Variants in WWOX observed in about 807,000 individuals in gnomAD.
WWOX encodes the protein WW domain containing oxidoreductase.
WWOX carries 69 observed loss-of-function variants against 46.2 expected under a neutral mutation model. The observed-to-expected ratio is 1.49, with a 90% CI of 1.23 to 1.82. WWOX has a LOEUF of 1.82. Ranked by LOEUF, WWOX falls within the 40% of genes most tolerant of loss-of-function variation. WWOX has a pLI of 0.00. For synonymous variants in WWOX, 359 were observed against 202.6 expected, an observed-to-expected ratio of 1.77 and a Z score of -6.56; for missense variants, 919 against 542.6, an observed-to-expected ratio of 1.69 and a Z score of -6.89.
intron 8 of WWOX, among the ~76,000 whole-genome samples, chr16:79,173,357 C>T (rs2050739007): frequency 1.3e-5 from 2 of 152,126 alleles, no homozygotes; most frequent in Admixed American, 6.5e-5. Flanking sequence ...AACTCAGTAA[C>T]CCATTGGTGC....
intron 8 of WWOX, among the ~76,000 whole-genome samples, chr16:78,665,009 G>A (rs1293008086): frequency 1.3e-5 from 2 of 152,186 alleles, no homozygotes; most frequent in Non-Finnish European, 2.9e-5. Flanking sequence ...CGTTTTCTGT[G>A]CAGCGGCTGC....
At chr16:78,678,853 C>T (rs2047663745) in intron 8 of WWOX, among the ~76,000 whole-genome samples, 1 of 152,156 alleles carries the variant, frequency 6.6e-6, no homozygotes, top group Non-Finnish European at 1.5e-5. Flanking sequence ...AGTCCCTGTG[C>T]TTCCCAGTTT....
At position 78,818,562 on chromosome 16, in the gene WWOX, C is replaced by G. The variant is rs371169948; in HGVS notation, c.1056+385810C>G. ...TCTGGCCAACACAGCGAGACCCAAT[C>G]TCTCCAAAAAGTTTAAAAATCGGCT... On this transcript the variant is annotated intron_variant, in intron 8 of 8. Coordinates refer to ENST00000566780, the MANE Select transcript of WWOX (RefSeq NM_016373.4). Among the ~76,000 whole-genome samples, 269 of 152,282 alleles carry G rather than the reference C, an allele frequency of 1.8e-3. 1 individual carries two copies. Among genetic ancestry groups the G allele is most frequent in the South Asian group, 0.014 (69 of 4,820 alleles).
intron 8 of WWOX, among the ~76,000 whole-genome samples, chr16:78,532,934 C>T (rs1012356793): frequency 6.6e-6 from 1 of 152,132 alleles, no homozygotes; most frequent in Non-Finnish European, 1.5e-5. Context: ...AAGGAAACCA[C>T]CAAGGGACCA....
intron 8 of WWOX, among the ~76,000 whole-genome samples, chr16:78,860,143 T>A (rs2052682031): frequency 6.6e-6 from 1 of 152,230 alleles, no homozygotes; most frequent in South Asian, 2.1e-4. Flanking sequence ...CCATCCTTAT[T>A]CCATCGCCCA....
At chr16:78,137,746 C>T (rs1401882138) in intron 4 of WWOX, among the ~76,000 whole-genome samples, 2 of 152,036 alleles carry the variant, frequency 1.3e-5, no homozygotes, top group African/African-American at 4.8e-5. Flanking sequence ...TAAAAATTGG[C>T]CTGTTTTATT....
At chr16:78,252,195 G>T (rs1039592081) in intron 5 of WWOX, among the ~76,000 whole-genome samples, 4 of 152,182 alleles carry the variant, frequency 2.6e-5, no homozygotes, top group African/African-American at 9.7e-5. Flanking sequence ...CAGTGAGTGT[G>T]TGCAAGTGAA....
chr16:78,221,733 A>T (rs771037110), intron 5 of WWOX, among the ~76,000 whole-genome samples: 6 of 152,192 alleles, frequency 3.9e-5, no homozygotes, highest in Non-Finnish European at 7.3e-5. Context: ...CCTTGGAGTG[A>T]TGTGTGATTA....
At chr16:79,167,752 A>C (rs750396893) in intron 8 of WWOX, among the ~76,000 whole-genome samples, 21 of 152,228 alleles carry the variant, frequency 1.4e-4, no homozygotes, top group Non-Finnish European at 5.9e-5. Context: ...GTTGAGATGA[A>C]ATTCACGTAA....
At chr16:78,415,221 G>C (rs931220500) in intron 6 of WWOX, among the ~76,000 whole-genome samples, 4 of 151,886 alleles carry the variant, frequency 2.6e-5, no homozygotes, top group Non-Finnish European at 5.9e-5. Flanking sequence ...AGACCATATA[G>C]GGTAACTTCT....
At chr16:78,788,589 G>A (rs1234606901) in intron 8 of WWOX, among the ~76,000 whole-genome samples, 2 of 152,176 alleles carry the variant, frequency 1.3e-5, no homozygotes, top group African/African-American at 4.8e-5. Flanking sequence ...GGGCTGGAAA[G>A]CTCCATGCCC....
At chr16:78,603,196 C>G (rs1011738692) in intron 8 of WWOX, among the ~76,000 whole-genome samples, 1 of 152,174 alleles carries the variant, frequency 6.6e-6, no homozygotes, top group Non-Finnish European at 1.5e-5. Context: ...CTCTGCCACA[C>G]CTGGAGAAGT....
chr16:78,658,693 T>C (rs1316744604), intron 8 of WWOX, among the ~76,000 whole-genome samples: 2 of 152,134 alleles, frequency 1.3e-5, no homozygotes, highest in Non-Finnish European at 2.9e-5. Flanking sequence ...TTGCTCCCTT[T>C]TCCTATAGGG....
chr16:78,190,650 G>C (rs2035856092), intron 5 of WWOX, among the ~76,000 whole-genome samples: 1 of 152,178 alleles, frequency 6.6e-6, no homozygotes, highest in African/African-American at 2.4e-5. Context: ...GGGTCTGACT[G>C]TAATCACACT....
chr16:78,357,705 C>T (rs150888781), intron 5 of WWOX, among the ~76,000 whole-genome samples: 25 of 152,284 alleles, frequency 1.6e-4, no homozygotes, highest in African/African-American at 5.3e-4. Flanking sequence ...TTATTGATCA[C>T]TTCCACATGC....
At chr16:78,217,977 A>G (rs2036776767) in intron 5 of WWOX, among the ~76,000 whole-genome samples, 2 of 152,130 alleles carry the variant, frequency 1.3e-5, no homozygotes, top group African/African-American at 4.8e-5. Context: ...CCTTTTCCAC[A>G]AAAAGCAGAG....
intron 8 of WWOX, among the ~76,000 whole-genome samples, chr16:78,562,820 A>G (rs901547177): frequency 1.3e-5 from 2 of 152,170 alleles, no homozygotes; most frequent in African/African-American, 4.8e-5. Context: ...ACAGAAAAGC[A>G]TGAGCCCCTC....
chr16:78,490,879 G>A (rs901819446), intron 8 of WWOX, among the ~76,000 whole-genome samples: 1 of 152,164 alleles, frequency 6.6e-6, no homozygotes, highest in Non-Finnish European at 1.5e-5. Context: ...CTGCAAAACA[G>A]GACTCATTAG....
chr16:79,185,318 C>T (rs1446130512), intron 8 of WWOX, among the ~76,000 whole-genome samples: 2 of 152,180 alleles, frequency 1.3e-5, no homozygotes, highest in Non-Finnish European at 2.9e-5. Flanking sequence ...AAAATTTCAA[C>T]CCATCCTCCG....
Sources: gnomAD v4.1 joint callset for allele counts (sites outside exome capture counted in the v4.1 genomes callset) on GRCh38, gnomAD v4.1.1 for gene constraint, MANE v1.5 for transcripts, NCBI Gene and HGNC (gene_info 2026-07-23, HGNC 2026-07-21) for gene names.